Variants in FRRS1L observed in about 807,000 individuals in gnomAD.
FRRS1L encodes the protein ferric chelate reductase 1 like, also known as DOMON domain-containing protein FRRS1L.
FRRS1L carries 22 observed loss-of-function variants against 28.6 expected under a neutral mutation model. That is an observed-to-expected ratio of 0.77 (90% CI 0.55 to 1.10). FRRS1L has a LOEUF of 1.10. Ranked by LOEUF, FRRS1L falls within the 50% of genes least tolerant of loss-of-function variation. The probability of loss-of-function intolerance (pLI) is 0.00; values close to 1 mark genes in which losing one functional copy is unlikely to be tolerated. For missense variants in FRRS1L, 380 were observed against 386.9 expected (o/e 0.98, Z 0.15); for synonymous variants, 158 against 151.4 (o/e 1.04, Z -0.32).
intron 1 of FRRS1L, among the ~76,000 whole-genome samples, chr9:109,161,642 CT>C (rs1216088635): frequency 6.6e-6 from 1 of 152,092 alleles, no homozygotes; most frequent in Non-Finnish European, 1.5e-5. Flanking sequence ...TTTGCAATCC[CT>C]TTTACCACAC....
At chr9:109,147,772 A>T (rs750699772) in intron 2 of FRRS1L, 31 of 152,874 alleles carry the variant, frequency 2.0e-4, no homozygotes, top group Admixed American at 3.3e-4. Context: ...GCTTATGTGC[A>T]TGTGGTATCC....
intron 1 of FRRS1L, among the ~76,000 whole-genome samples, chr9:109,153,932 C>T (rs1030561986): frequency 6.6e-6 from 1 of 152,198 alleles, no homozygotes; most frequent in East Asian, 1.9e-4. Flanking sequence ...CTCTGCAAAC[C>T]ATTTCTCCTT....
chr9:109,157,644 C>T (rs1361551348), intron 1 of FRRS1L, among the ~76,000 whole-genome samples: 1 of 152,130 alleles, frequency 6.6e-6, no homozygotes, highest in African/African-American at 2.4e-5. Flanking sequence ...CTCCCTATAT[C>T]TTTTATTTTA....
chr9:109,158,991 TA>T (rs560556078), intron 1 of FRRS1L, among the ~76,000 whole-genome samples: 139 of 152,298 alleles, frequency 9.1e-4, no homozygotes, highest in Non-Finnish European at 1.3e-3. Context: ...ATTTTCCTTT[TA>T]AAAAAATCAA....
chr9:109,156,693 T>G (rs1831412907), intron 1 of FRRS1L, among the ~76,000 whole-genome samples: 1 of 150,294 alleles, frequency 6.7e-6, no homozygotes, highest in Non-Finnish European at 1.5e-5. Context: ...CTGGATGTTT[T>G]TTTTTTTTTT....
chr9:109,148,861 C>T (rs1309222026), intron 2 of FRRS1L, among the ~76,000 whole-genome samples: 1 of 150,458 alleles, frequency 6.6e-6, no homozygotes, highest in Non-Finnish European at 1.5e-5. Context: ...ACATTTTTGG[C>T]TATTTTTATT....
chr9:109,156,427 T>C (rs574291738), intron 1 of FRRS1L, among the ~76,000 whole-genome samples: 170 of 152,282 alleles, frequency 1.1e-3, no homozygotes, highest in African/African-American at 4.0e-3. Flanking sequence ...CTCACTCTGT[T>C]GCCCAGGCTG....
At chr9:109,146,233 T>G (rs1831260771) in intron 3 of FRRS1L, among the ~76,000 whole-genome samples, 1 of 151,964 alleles carries the variant, frequency 6.6e-6, no homozygotes, top group South Asian at 2.1e-4. Context: ...ATTAAATAAA[T>G]AAATAAATAA....
chr9:109,148,409 A>G (rs1049969642), intron 2 of FRRS1L: 3 of 152,196 alleles, frequency 2.0e-5, no homozygotes, highest in African/African-American at 4.8e-5. Flanking sequence ...TGAGAGCACC[A>G]CTGAAATGAA....
Position 109,132,085 on chromosome 9 carries a change from T to G in FRRS1L, c.*5370A>C, listed in dbSNP as rs1831065260. On this transcript the variant is annotated 3_prime_UTR_variant, in exon 5 of 5. Transcript: ENST00000561981. The stretch of plus-strand genomic sequence containing the variant: ...ACCTCCCGGGTTCACGCCATTCTCT[T>G]GCCTCAGCCTCCTGAGTAGCTGGGA... The G allele has an allele frequency of 1.3e-5, 2 of 151,892 alleles. No individual in the cohort carries two copies. Among genetic ancestry groups the G allele is most frequent in the South Asian group, 4.2e-4 (2 of 4,794 alleles). 9.4% of individuals were successfully genotyped at this position (151,892 alleles called of 1,614,324 possible). A position where few individuals can be genotyped will look rare whatever the true frequency, so the allele number is the denominator to read the frequency against.
intron 1 of FRRS1L, among the ~76,000 whole-genome samples, chr9:109,164,999 A>G (rs890396041): frequency 6.6e-6 from 1 of 152,124 alleles, no homozygotes; most frequent in South Asian, 2.1e-4. Context: ...CTGCAGAGAG[A>G]CTCAAAGGAC....
chr9:109,156,844 T>A (rs546858680), intron 1 of FRRS1L, among the ~76,000 whole-genome samples: 92 of 152,202 alleles, frequency 6.0e-4, no homozygotes, highest in Middle Eastern at 3.4e-3. Context: ...CAACTTTTTT[T>A]AAATTTTTTG....
rs1026136727 is a variant in FRRS1L, at chr9:109,141,415, G to A, written c.637C>T (p.Pro213Ser). 5 of 1,614,042 alleles carry A rather than the reference G, an allele frequency of 3.1e-6. No individual in the cohort carries two copies. Among genetic ancestry groups the A allele is most frequent in the Non-Finnish European group, 4.2e-6 (5 of 1,179,938 alleles). ...TCRFKRPVNV[P>S]RDETIVDLHL... ...AGATCAACAATTGTTTCATCTCTGG[G>A]AACATTCACAGGGCGTTTAAATCTG... Residue 213 changes from proline to serine, a missense_variant, in exon 4 of 5, where the codon CCC becomes TCC. Transcript: ENST00000561981.
intron 2 of FRRS1L, 117 bp downstream of exon 2, chr9:109,149,519 G>A (rs1831302673): frequency 4.4e-6 from 3 of 681,698 alleles, no homozygotes; most frequent in Non-Finnish European, 7.8e-6. Flanking sequence ...TAACCCTGCT[G>A]AGGTGATCAA....
In FRRS1L at chr9:109,149,720, C is replaced by T; in HGVS notation, c.239G>A (p.Gly80Asp). Residue 80 changes from glycine (G) to aspartate (D), a missense_variant and splice_region_variant, in exon 2 of 5, where the codon GGT becomes GAT. By Grantham distance (94) the Gly-to-Asp change is moderately conservative. Transcript: ENST00000561981. ...AGGAGGAGCAGTAGGGAAGGGGTAA[C>T]CTGGGCAGTGAGAATAAAGAAGGGT... Reference protein sequence around the residue: ...FYDLRYLSEEGYPFPTAPPVD... With the variant: ...FYDLRYLSEEDYPFPTAPPVD... 1.9e-6 allele frequency: 3 copies of T among 1,606,352 alleles called. No individual in the cohort carries two copies. Among genetic ancestry groups the T allele is most frequent in the Non-Finnish European group, 2.6e-6 (3 of 1,173,118 alleles).
chr9:109,163,884 A>C (rs1269250228), intron 1 of FRRS1L, among the ~76,000 whole-genome samples: 1 of 152,084 alleles, frequency 6.6e-6, no homozygotes, highest in Admixed American at 6.5e-5. Context: ...TTCCTTCTCC[A>C]CTGAATCTGT....
intron 1 of FRRS1L, among the ~76,000 whole-genome samples, chr9:109,162,174 G>A (rs1220965899): frequency 6.6e-6 from 1 of 152,224 alleles, no homozygotes; most frequent in Non-Finnish European, 1.5e-5. Flanking sequence ...AAATTAGCCA[G>A]GTGTGGTGGC....
rs1281046883 is a variant in FRRS1L, at chr9:109,134,795, A to C, written c.*2660T>G. The C allele has an allele frequency of 1.3e-5, 2 of 152,134 alleles. No individual in the cohort carries two copies. The highest frequency in any genetic ancestry group is 2.9e-5 in the Non-Finnish European group (2 of 68,020). The allele number at this position is 152,134 out of a possible 1,614,324, so 9.4% of individuals were successfully genotyped here. On this transcript the variant is annotated 3_prime_UTR_variant, in exon 5 of 5. Transcript: ENST00000561981. ...TTTGTTTTAACCTGTTTGTAGCTCAAATATTATACACATAAGAGAGAGAAA... is the reference window on the plus strand; with the variant it reads ...TTTGTTTTAACCTGTTTGTAGCTCACATATTATACACATAAGAGAGAGAAA...
intron 3 of FRRS1L, among the ~76,000 whole-genome samples, chr9:109,144,904 C>T (rs1400872804): frequency 6.6e-6 from 1 of 152,102 alleles, no homozygotes; most frequent in African/African-American, 2.4e-5. Context: ...AGGCTGTTCT[C>T]GAACTCCTGA....
Sources: allele counts gnomAD v4.1 joint callset (sites outside exome capture counted in the v4.1 genomes callset), GRCh38; gene constraint gnomAD v4.1.1; transcripts MANE v1.5; gene names NCBI Gene and HGNC (gene_info 2026-07-23, HGNC 2026-07-21).